Variants in SAMD12 observed in about 807,000 individuals in gnomAD.
SAMD12 encodes sterile alpha motif domain containing 12.
A neutral mutation model predicts 15.0 loss-of-function variants in SAMD12; 9 were observed. The ratio of observed to expected loss-of-function variants is 0.60; its 90% CI spans 0.36 to 1.05. The LOEUF (loss-of-function observed/expected upper bound fraction) is 1.05, where lower values mean the gene tolerates loss of function less well. SAMD12 is among the 50% of genes least tolerant of loss of function. SAMD12 has a pLI of 0.01. For synonymous variants in SAMD12, 86 were observed against 90.1 expected (o/e 0.96, Z 0.25); for missense variants, 230 against 234.2 (o/e 0.98, Z 0.12).
chr8:118,513,948 G>C (rs1825156232), intron 2 of SAMD12, among the ~76,000 whole-genome samples: 3 of 152,250 alleles, frequency 2.0e-5, no homozygotes, highest in Admixed American at 2.0e-4. Flanking sequence ...TGGGAATTCA[G>C]GTCAAAAGTT....
chr8:118,284,671 T>G (rs3763564), intron 4 of SAMD12: 28,764 of 206,418 alleles, frequency 0.14, 4,036 homozygotes, highest in East Asian at 0.37. Context: ...GGCCGGGCAC[T>G]GTGGCTCACG....
chr8:118,604,266 T>C (rs1327570075), intron 1 of SAMD12, among the ~76,000 whole-genome samples: 1 of 152,214 alleles, frequency 6.6e-6, no homozygotes, highest in Non-Finnish European at 1.5e-5. Context: ...AAGCATTTAA[T>C]AAATGGTAGA....
At chr8:118,396,693 T>G (rs1820587378) in intron 3 of SAMD12, among the ~76,000 whole-genome samples, 1 of 152,244 alleles carries the variant, frequency 6.6e-6, no homozygotes, top group Admixed American at 6.5e-5. Flanking sequence ...ATGCTACTTC[T>G]ACTTAGGAAG....
At chr8:118,428,958 G>A (rs1822317485) in intron 3 of SAMD12, among the ~76,000 whole-genome samples, 1 of 152,102 alleles carries the variant, frequency 6.6e-6, no homozygotes. Flanking sequence ...CAGAATCAAT[G>A]TGTTCATTTT....
At chr8:118,202,667 C>T (rs1042517592) in intron 4 of SAMD12, among the ~76,000 whole-genome samples, 2 of 152,112 alleles carry the variant, frequency 1.3e-5, no homozygotes, top group South Asian at 2.1e-4. Context: ...CTCATGGGCT[C>T]AAGGGGGAAA....
intron 2 of SAMD12, among the ~76,000 whole-genome samples, chr8:118,572,795 T>G (rs73319338): frequency 0.011 from 1,633 of 152,190 alleles, 35 homozygotes; most frequent in African/African-American, 0.037. Flanking sequence ...GAAAAGGGAC[T>G]AATACACCAG....
At chr8:118,411,054 A>G (rs1821385057) in intron 3 of SAMD12, among the ~76,000 whole-genome samples, 1 of 152,208 alleles carries the variant, frequency 6.6e-6, no homozygotes, top group Admixed American at 6.5e-5. Flanking sequence ...GAAGACTTAT[A>G]AGTGGTAGAC....
chr8:118,544,284 G>GC (rs1272276618), intron 2 of SAMD12, among the ~76,000 whole-genome samples: 1 of 152,118 alleles, frequency 6.6e-6, no homozygotes, highest in Admixed American at 6.5e-5. Context: ...AGTTCTAAGG[G>GC]CTTGGTAAAG....
At chr8:118,415,479 G>A (rs1426013400) in intron 3 of SAMD12, among the ~76,000 whole-genome samples, 2 of 150,678 alleles carry the variant, frequency 1.3e-5, no homozygotes, top group Non-Finnish European at 2.9e-5. Context: ...GTGTGTGTGT[G>A]TGTGTGTGTA....
intron 2 of SAMD12, among the ~76,000 whole-genome samples, chr8:118,506,876 C>T (rs532600495): frequency 1.3e-5 from 2 of 151,538 alleles, no homozygotes; most frequent in African/African-American, 4.9e-5. Context: ...CCTTCAACCA[C>T]TGGATCACTG....
intron 4 of SAMD12, among the ~76,000 whole-genome samples, chr8:118,312,372 G>T (rs528609052): frequency 6.6e-6 from 1 of 152,234 alleles, no homozygotes; most frequent in East Asian, 1.9e-4. Context: ...CTCTGTTGCT[G>T]ATTTTTACTT....
intron 4 of SAMD12, among the ~76,000 whole-genome samples, chr8:118,283,942 G>T (rs1213312152): frequency 6.6e-6 from 1 of 152,078 alleles, no homozygotes; most frequent in Non-Finnish European, 1.5e-5. Context: ...AATGGTTTCT[G>T]GTATATAGAA....
chr8:118,327,531 A>G (rs1406091417), intron 4 of SAMD12, among the ~76,000 whole-genome samples: 1 of 152,234 alleles, frequency 6.6e-6, no homozygotes, highest in East Asian at 1.9e-4. Flanking sequence ...ATATGGAAGA[A>G]CAATGGATAA....
chr8:118,215,693 CTA>C (rs886843445), intron 4 of SAMD12, among the ~76,000 whole-genome samples: 2 of 151,626 alleles, frequency 1.3e-5, no homozygotes, highest in African/African-American at 4.9e-5. Context: ...CAATTCCCAC[CTA>C]TGAGTGAGAA....
At chr8:118,146,758 G>A in the SAMD12 span, among the ~76,000 whole-genome samples, 1 of 152,086 alleles carries the variant, frequency 6.6e-6, no homozygotes, top group Non-Finnish European at 1.5e-5. Flanking sequence ...AGCCACACTG[G>A]GTTTTGAGTA....
intron 2 of SAMD12, among the ~76,000 whole-genome samples, chr8:118,505,875 T>C (rs894528417): frequency 2.0e-5 from 3 of 152,090 alleles, no homozygotes; most frequent in African/African-American, 7.2e-5. Context: ...TTACTATGCC[T>C]CCCATTTTCT....
chr8:118,534,979 G>A (rs965822267), intron 2 of SAMD12, among the ~76,000 whole-genome samples: 2 of 152,192 alleles, frequency 1.3e-5, no homozygotes, highest in African/African-American at 4.8e-5. Context: ...ATCCAGCCTT[G>A]TTCCACTGCT....
At chr8:118,499,923 C>T (rs62531882) in intron 2 of SAMD12, among the ~76,000 whole-genome samples, 18,472 of 152,088 alleles carry the variant, frequency 0.12, 1,252 homozygotes, top group South Asian at 0.27. Context: ...TCCTCTATGC[C>T]GGCACAACAA....
chr8:118,138,944 T>C, the SAMD12 span, among the ~76,000 whole-genome samples: 4 of 152,322 alleles, frequency 2.6e-5, no homozygotes, highest in South Asian at 8.3e-4. Flanking sequence ...CCCTCTTCCC[T>C]TCCACTTTCC....
Sources: allele counts gnomAD v4.1 joint callset (sites outside exome capture counted in the v4.1 genomes callset), GRCh38; gene constraint gnomAD v4.1.1; transcripts MANE v1.5; gene names NCBI Gene and HGNC (gene_info 2026-07-23, HGNC 2026-07-21).